Variants in EXOC6 observed in about 807,000 individuals in gnomAD.
EXOC6 encodes the protein SEC15-like 1.
EXOC6 carries 60 observed loss-of-function variants against 112.5 expected under a neutral mutation model. The ratio of observed to expected loss-of-function variants is 0.53; its 90% CI spans 0.43 to 0.66. The LOEUF is 0.66. EXOC6 is among the 30% of genes least tolerant of loss of function. The pLI, the probability that EXOC6 is intolerant of heterozygous loss-of-function variation, is 0.00. For missense variants in EXOC6, 855 were observed against 957.1 expected (o/e 0.89, Z 1.41); for synonymous variants, 295 against 308.0 (o/e 0.96, Z 0.44).
chr10:93,044,829 T>A (rs1287846526), intron 20 of EXOC6, among the ~76,000 whole-genome samples: 2 of 152,122 alleles, frequency 1.3e-5, no homozygotes, highest in Non-Finnish European at 2.9e-5. Context: ...GAGAATAAGG[T>A]GCCTCTGGGG....
chr10:93,003,915 A>G (rs1049915048), intron 19 of EXOC6, among the ~76,000 whole-genome samples: 4 of 152,174 alleles, frequency 2.6e-5, no homozygotes, highest in African/African-American at 9.6e-5. Context: ...CTGTGATAAG[A>G]CAATGTTTAG....
intron 8 of EXOC6, among the ~76,000 whole-genome samples, chr10:92,920,980 A>T (rs1019388111): frequency 2.0e-5 from 3 of 152,154 alleles, no homozygotes. Context: ...GTATCTTTGA[A>T]TCTAAAGTAT....
At position 92,915,785 on chromosome 10, in the gene EXOC6, T is replaced by C. The variant is rs200145806; in HGVS notation, c.691T>C (p.Ser231Pro). The change falls in exon 7 of 22, where the codon TCT becomes CCT. Residue 231 changes from serine (S) to proline (P), a missense_variant. By Grantham distance (74) the Ser-to-Pro change is moderately conservative. Around this residue, in one of 2 missense-constraint regions of EXOC6, gnomAD observed 405 missense variants for 393.6 expected, o/e 1.03. Transcript: ENST00000260762. Reference protein sequence around the residue: ...QAQHQKTFSVSLQKQNKMKFG... With the variant: ...QAQHQKTFSVPLQKQNKMKFG... ...ACAGCATCAGAAAACCTTCAGTGTT[T>C]CTCTGCAGAAACAAAATAAAATGAA... 4.8e-5 allele frequency: 74 copies of C among 1,538,496 alleles called. 1 individual carries two copies. Among genetic ancestry groups the C allele is most frequent in the Non-Finnish European group, 6.3e-5 (73 of 1,154,414 alleles).
rs76261847 is a variant in EXOC6 at position 92,884,559 on chromosome 10, T to C, written c.102-8790T>C. On this transcript the variant is annotated intron_variant, in intron 1 of 21. Transcript: ENST00000260762. ...ATTCTGGGACAGAGAAAAGCCATTTTTATTTTGTCTAGAAAAGAAACAATA... is the reference window on the plus strand; with the variant it reads ...ATTCTGGGACAGAGAAAAGCCATTTCTATTTTGTCTAGAAAAGAAACAATA... Among the ~76,000 whole-genome samples, 114 of 152,322 alleles carry C rather than the reference T, an allele frequency of 7.5e-4. 1 individual carries two copies. In the East Asian group the frequency reaches 0.02, roughly 26 times the overall value.
intron 1 of EXOC6, among the ~76,000 whole-genome samples, chr10:92,877,759 A>C (rs1848744770): frequency 6.6e-6 from 1 of 152,202 alleles, no homozygotes; most frequent in African/African-American, 2.4e-5. Flanking sequence ...GGATATACTT[A>C]TATGGCAAAA....
intron 17 of EXOC6, among the ~76,000 whole-genome samples, chr10:92,960,169 T>A (rs1853906641): frequency 6.6e-6 from 1 of 152,194 alleles, no homozygotes; most frequent in East Asian, 1.9e-4. Flanking sequence ...CAATGGAATA[T>A]TATTAAGTAC....
At chr10:93,012,515 C>T (rs1844294768) in intron 19 of EXOC6, among the ~76,000 whole-genome samples, 1 of 152,134 alleles carries the variant, frequency 6.6e-6, no homozygotes, top group Non-Finnish European at 1.5e-5. Context: ...AATTCTGATG[C>T]TTAAAGCAAA....
chr10:93,028,523 G>A (rs1845123355), intron 20 of EXOC6, among the ~76,000 whole-genome samples: 1 of 152,044 alleles, frequency 6.6e-6, no homozygotes, highest in Admixed American at 6.6e-5. Context: ...TACCCCTGGT[G>A]AAGAGGCTGT....
intron 12 of EXOC6, among the ~76,000 whole-genome samples, chr10:92,936,744 C>G (rs1347414218): frequency 6.6e-6 from 1 of 152,212 alleles, no homozygotes; most frequent in Non-Finnish European, 1.5e-5. Flanking sequence ...TCCTCTCCCA[C>G]CTGGATATTA....
intron 17 of EXOC6, among the ~76,000 whole-genome samples, chr10:92,960,265 A>G (rs965144804): frequency 1.3e-5 from 2 of 152,224 alleles, no homozygotes; most frequent in Non-Finnish European, 2.9e-5. Context: ...TGAAAAGTCT[A>G]CATATTGTAT....
chr10:92,975,599 C>T (rs1340723340), intron 18 of EXOC6, among the ~76,000 whole-genome samples: 1 of 147,120 alleles, frequency 6.8e-6, no homozygotes, highest in Non-Finnish European at 1.5e-5. Context: ...CCAGCCGCCC[C>T]GTCCGGGAGG....
In EXOC6 at chr10:92,974,083, T is replaced by C. The variant is rs947029312; in HGVS notation, c.1804T>C (p.Tyr602His). The C allele has an allele frequency of 1.3e-6, 2 of 1,599,788 alleles. No individual in the cohort carries two copies. Among genetic ancestry groups the C allele is most frequent in the Admixed American group, 1.8e-5 (1 of 55,260 alleles). Reference protein sequence around the residue: ...DARHAAEGEIYTKLNQKIDEF... With the variant: ...DARHAAEGEIHTKLNQKIDEF... The stretch of plus-strand genomic sequence containing the variant: ...TCGACATGCAGCAGAAGGAGAAATA[T>C]ATACCAAACTGAATCAAAAAATTGA... The change falls in exon 18 of 22, where the codon TAT becomes CAT. Residue 602 changes from tyrosine to histidine, a missense_variant. Tyr to His is a moderately conservative substitution (Grantham distance 83). Around this residue, in one of 2 missense-constraint regions of EXOC6, gnomAD observed 450 missense variants for 563.5 expected, o/e 0.80. Coordinates refer to ENST00000260762, the MANE Select transcript of EXOC6 (RefSeq NM_019053.6).
At chr10:92,962,163 A>G (rs1297700317) in intron 17 of EXOC6, among the ~76,000 whole-genome samples, 1 of 152,132 alleles carries the variant, frequency 6.6e-6, no homozygotes, top group Non-Finnish European at 1.5e-5. Flanking sequence ...GATTTAGGTT[A>G]TTCTAGGACA....
chr10:92,926,505 G>A (rs1220597721), intron 8 of EXOC6, among the ~76,000 whole-genome samples: 12 of 149,874 alleles, frequency 8.0e-5, no homozygotes, highest in Non-Finnish European at 1.2e-4. Context: ...ATGGTAAAAA[G>A]GAATCTGAGG....
At chr10:93,046,402 T>C (rs572801415) in intron 20 of EXOC6, among the ~76,000 whole-genome samples, 20 of 152,260 alleles carry the variant, frequency 1.3e-4, no homozygotes, top group Admixed American at 5.2e-4. Context: ...GATACAGATA[T>C]GTGGAGGGTA....
intron 18 of EXOC6, among the ~76,000 whole-genome samples, chr10:92,982,005 A>G (rs576092412): frequency 6.6e-6 from 1 of 152,244 alleles, no homozygotes; most frequent in South Asian, 2.1e-4. Flanking sequence ...AATCCCAGCT[A>G]CTCAGGAGGC....
intron 5 of EXOC6, among the ~76,000 whole-genome samples, chr10:92,906,677 T>C (rs1850461640): frequency 6.6e-6 from 1 of 152,156 alleles, no homozygotes; most frequent in Non-Finnish European, 1.5e-5. Flanking sequence ...ACTTTACATA[T>C]AGGATAATAA....
chr10:92,899,502 G>A, intron 4 of EXOC6, 97 bp from the exon 5 acceptor site: 1 of 793,072 alleles, frequency 1.3e-6, no homozygotes, highest in Non-Finnish European at 2.0e-6. Flanking sequence ...GAAGTCTAAT[G>A]AATTTGTAAT....
chr10:93,054,264 A>AC (rs1564943717), intron 20 of EXOC6, among the ~76,000 whole-genome samples: 14 of 152,212 alleles, frequency 9.2e-5, no homozygotes, highest in African/African-American at 3.4e-4. Flanking sequence ...CTAGCACAGT[A>AC]TCTAGCACGT....
Sources: gnomAD v4.1 joint callset for allele counts (sites outside exome capture counted in the v4.1 genomes callset) on GRCh38, gnomAD v4.1.1 for gene constraint, gnomAD v4.1.1 regional missense constraint, MANE v1.5 for transcripts, NCBI Gene and HGNC (gene_info 2026-07-23, HGNC 2026-07-21) for gene names.